The following C3orf20 variants were observed in gnomAD, a reference collection of about 807,000 sequenced individuals.
C3orf20 encodes the protein family with sequence similarity 149 member C, also known as uncharacterized protein C3orf20.
A neutral mutation model predicts 88.3 loss-of-function variants in C3orf20; 76 were observed. The observed-to-expected ratio is 0.86, with a 90% CI of 0.72 to 1.04. The LOEUF is 1.04. Ranked by LOEUF, C3orf20 falls within the 50% of genes least tolerant of loss-of-function variation. C3orf20 has a pLI of 0.00. For synonymous variants in C3orf20, 436 were observed against 437.4 expected (o/e 1.00, Z 0.04); for missense variants, 1,056 against 1,123.3 (o/e 0.94, Z 0.86).
chr3:14,767,733 C>T (rs1465018984), intron 15 of C3orf20, among the ~76,000 whole-genome samples: 2 of 152,230 alleles, frequency 1.3e-5, no homozygotes, highest in African/African-American at 4.8e-5. Context: ...TCACAAAGGG[C>T]TTTGGAAGCA....
At chr3:14,697,286 C>T (rs1232133389) in intron 5 of C3orf20, among the ~76,000 whole-genome samples, 1 of 152,154 alleles carries the variant, frequency 6.6e-6, no homozygotes, top group Non-Finnish European at 1.5e-5. Context: ...CTTTCTCTAG[C>T]TCATCTTTAA....
chr3:14,757,688 C>A lies in C3orf20; in HGVS notation c.2244+14C>A. ...CCCTGCATCCAGGTTGGTCTGGGCCCAGTGAGGAGGCCCTGGAGGCCAGGG... is the reference window on the plus strand; with the variant it reads ...CCCTGCATCCAGGTTGGTCTGGGCCAAGTGAGGAGGCCCTGGAGGCCAGGG... On this transcript the variant is annotated intron_variant, in intron 13 of 16. Transcript: ENST00000253697. 6.2e-7 allele frequency: 1 copy of A among 1,603,086 alleles called. No individual in the cohort carries two copies. Among genetic ancestry groups the A allele is most frequent in the Non-Finnish European group, 8.5e-7 (1 of 1,173,024 alleles).
intron 12 of C3orf20, among the ~76,000 whole-genome samples, chr3:14,749,748 T>C (rs1036841215): frequency 3.3e-5 from 5 of 152,014 alleles, no homozygotes; most frequent in African/African-American, 1.2e-4. Context: ...TATTTTTCTG[T>C]ATATTTTAGT....
chr3:14,760,020 A>C, intron 14 of C3orf20, 22 bp downstream of exon 14: 1 of 1,573,770 alleles, frequency 6.4e-7, no homozygotes, highest in Non-Finnish European at 8.7e-7. Flanking sequence ...GGGACTTGCT[A>C]TCCACTGCCT....
chr3:14,762,790 C>T (rs1167773204), intron 15 of C3orf20, among the ~76,000 whole-genome samples: 1 of 151,330 alleles, frequency 6.6e-6, no homozygotes, highest in Non-Finnish European at 1.5e-5. Flanking sequence ...CCTACTCCCA[C>T]ACAGGACCCT....
At chr3:14,747,737 A>C (rs1266770867) in intron 12 of C3orf20, among the ~76,000 whole-genome samples, 1 of 152,186 alleles carries the variant, frequency 6.6e-6, no homozygotes, top group Non-Finnish European at 1.5e-5. Flanking sequence ...CATTTACATA[A>C]GTGCAGAAAG....
chr3:14,714,003 C>T lies in C3orf20; in HGVS notation c.1161-4C>T. On this transcript the variant is annotated splice_polypyrimidine_tract_variant and splice_region_variant and intron_variant, in intron 7 of 16. Transcript: ENST00000253697. ...TGTTAGTTCTACCTGAACATTTCTGCCAGCTATCCCTCTGGAAACGTCGCT... is the reference window on the plus strand; with the variant it reads ...TGTTAGTTCTACCTGAACATTTCTGTCAGCTATCCCTCTGGAAACGTCGCT... 6.2e-7 allele frequency: 1 copy of T among 1,613,930 alleles called. No individual in the cohort carries two copies. The highest frequency in any genetic ancestry group is 1.1e-5 in the South Asian group (1 of 91,062).
At chr3:14,700,898 A>C (rs1172902248) in intron 5 of C3orf20, among the ~76,000 whole-genome samples, 1 of 152,204 alleles carries the variant, frequency 6.6e-6, no homozygotes, top group Non-Finnish European at 1.5e-5. Flanking sequence ...TCACCTGCTG[A>C]CAGTTCTGGG....
At chr3:14,707,828 T>TTTTTC in intron 7 of C3orf20, among the ~76,000 whole-genome samples, 1 of 147,864 alleles carries the variant, frequency 6.8e-6, no homozygotes, top group Non-Finnish European at 1.5e-5. Context: ...CTCTTTTTTT[T>TTTTTC]TTTTTTTTGA....
chr3:14,707,783 A>G (rs2033577118), intron 7 of C3orf20, among the ~76,000 whole-genome samples: 1 of 151,052 alleles, frequency 6.6e-6, no homozygotes, highest in African/African-American at 2.4e-5. Context: ...AACCATCGCC[A>G]AATCCAAGGT....
intron 5 of C3orf20, among the ~76,000 whole-genome samples, chr3:14,694,075 A>C (rs2032859379): frequency 6.6e-6 from 1 of 152,048 alleles, no homozygotes; most frequent in Non-Finnish European, 1.5e-5. Flanking sequence ...TGATCTTTTT[A>C]ATGTGTTGTT....
At chr3:14,675,824 G>T (rs2031736448) in intron 1 of C3orf20, among the ~76,000 whole-genome samples, 1 of 152,102 alleles carries the variant, frequency 6.6e-6, no homozygotes, top group South Asian at 2.1e-4. Context: ...CCGAGTAGCT[G>T]GGATTACAGG....
intron 4 of C3orf20, among the ~76,000 whole-genome samples, chr3:14,687,961 G>T (rs148658742): frequency 0.011 from 1,623 of 152,264 alleles, 20 homozygotes; most frequent in Non-Finnish European, 0.013. Context: ...TCCCTGTCTT[G>T]TTGGCACTTG....
At chr3:14,704,228 G>A (rs1575108651) in intron 6 of C3orf20, 109 bp from the exon 7 acceptor site, 1 of 1,159,712 alleles carries the variant, frequency 8.6e-7, no homozygotes, top group Non-Finnish European at 1.2e-6. Context: ...GTACTTTGGG[G>A]ACAGGGGAAT....
chr3:14,750,642 C>T (rs767613594), intron 12 of C3orf20, among the ~76,000 whole-genome samples: 91 of 151,334 alleles, frequency 6.0e-4, no homozygotes, highest in Non-Finnish European at 1.5e-4. Context: ...CCACTGCCTT[C>T]TAGCAGCCAA....
rs550798222 is a variant in C3orf20 at position 14,702,784 on chromosome 3, C to T, written c.746-346C>T. The stretch of plus-strand genomic sequence containing the variant: ...AGCAATCATGCGTTCCCAACAGTCC[C>T]CCAAAGTCTTAACTCATTTCACCAT... On this transcript the variant is annotated intron_variant, in intron 5 of 16. Coordinates refer to ENST00000253697, the MANE Select transcript of C3orf20 (RefSeq NM_032137.5). Among the ~76,000 whole-genome samples the T allele has an allele frequency of 3.3e-5, 5 of 152,202 alleles. No homozygotes were observed. In the East Asian group the frequency reaches 9.7e-4, roughly 29 times the overall value.
intron 5 of C3orf20, 33 bp downstream of exon 5, chr3:14,690,149 T>TGGC (rs1559398496): frequency 1.4e-5 from 22 of 1,612,096 alleles, no homozygotes; most frequent in Non-Finnish European, 1.8e-5. Flanking sequence ...TACCATTCAT[T>TGGC]GGTGGTGGCG....
At chr3:14,719,132 T>G (rs952675842) in intron 9 of C3orf20, among the ~76,000 whole-genome samples, 10 of 151,956 alleles carry the variant, frequency 6.6e-5, no homozygotes, top group South Asian at 2.1e-4. Context: ...ATTGTTTTTT[T>G]TTTTTTTTTT....
chr3:14,679,079 C>T (rs1480932640), intron 1 of C3orf20, among the ~76,000 whole-genome samples: 4 of 152,190 alleles, frequency 2.6e-5, no homozygotes, highest in African/African-American at 9.7e-5. Flanking sequence ...TTTCTTCTTC[C>T]TAGAATGCCT....
Sources: gnomAD v4.1 joint callset for allele counts (sites outside exome capture counted in the v4.1 genomes callset) on GRCh38, gnomAD v4.1.1 for gene constraint, MANE v1.5 for transcripts, NCBI Gene and HGNC (gene_info 2026-07-23, HGNC 2026-07-21) for gene names.